The following SLC1A3 variants were observed in gnomAD, a reference collection of about 807,000 sequenced individuals.
The protein encoded by SLC1A3 is solute carrier family 1 member 3, also known as excitatory amino acid transporter 1.
SLC1A3 carries 21 observed loss-of-function variants against 48.1 expected under a neutral mutation model. That is an observed-to-expected ratio of 0.44 (90% CI 0.31 to 0.63). The LOEUF (loss-of-function observed/expected upper bound fraction) is 0.63, where lower values mean the gene tolerates loss of function less well. Among genes scored for constraint, SLC1A3 ranks in the 20% least tolerant of loss-of-function variants. The pLI is 0.08. For missense variants in SLC1A3, 546 were observed against 689.0 expected (o/e 0.79, Z 2.32); for synonymous variants, 239 against 251.4 (o/e 0.95, Z 0.47).
chr5:36,634,287 TATAA>T (rs60704367), intron 3 of SLC1A3, among the ~76,000 whole-genome samples: 1,544 of 149,978 alleles, frequency 0.01, 18 homozygotes, highest in Non-Finnish European at 0.015. Context: ...AAAAAAGAAA[TATAA>T]ATAAATAAAT....
chr5:36,676,948 G>A lies in SLC1A3; in HGVS notation c.624G>A (p.Thr208=), dbSNP rs553806020. 13 of 1,613,850 alleles carry A rather than the reference G, an allele frequency of 8.1e-6. No individual in the cohort carries two copies. Among genetic ancestry groups the A allele is most frequent in the East Asian group, 4.5e-5 (2 of 44,892 alleles). The change falls in exon 6 of 10, where the codon ACG becomes ACA. Residue 208 remains threonine, a synonymous_variant. Coordinates refer to ENST00000265113, the MANE Select transcript of SLC1A3 (RefSeq NM_004172.5). ...AAGTGCCCATCCAGGCCAACGAAACGCTTGTGGGTGCTGTGATAAACAATG... is the reference window on the plus strand; with the variant it reads ...AAGTGCCCATCCAGGCCAACGAAACACTTGTGGGTGCTGTGATAAACAATG... ...SFKVPIQANE[T]LVGAVINNVS... is the part of the protein sequence containing the mutation.
intron 1 of SLC1A3, among the ~76,000 whole-genome samples, chr5:36,597,245 T>C (rs1738754192): frequency 9.5e-6 from 1 of 105,680 alleles, no homozygotes; most frequent in African/African-American, 3.8e-5. Context: ...TTTTTTTTTT[T>C]TTTTTTTTTT....
chr5:36,679,636 C>T lies in SLC1A3; in HGVS notation c.870C>T (p.Pro290=), dbSNP rs745475328. Residue 290 remains proline (P), a synonymous_variant, in exon 7 of 10, where the codon CCC becomes CCT. Coordinates refer to ENST00000265113, the MANE Select transcript of SLC1A3 (RefSeq NM_004172.5). ...TGTTGCTTCTCCCCAGGTATGCCCC[C>T]GTGGGTATTCTCTTCCTGATTGCTG... is the stretch of plus-strand genomic sequence containing the variant. ...RLVAVIMWYA[P]VGILFLIAGK... 2.5e-5 allele frequency: 40 copies of T among 1,613,046 alleles called. No homozygotes were observed. The East Asian group carries it at 2.7e-4, about 11-fold the overall frequency.
chr5:36,652,921 C>T (rs141118536), intron 3 of SLC1A3, among the ~76,000 whole-genome samples: 5 of 152,212 alleles, frequency 3.3e-5, no homozygotes, highest in African/African-American at 9.6e-5. Context: ...CAATACTGAA[C>T]ATTCAAATGC....
intron 1 of SLC1A3, among the ~76,000 whole-genome samples, chr5:36,598,283 T>C (rs1738767016): frequency 6.6e-6 from 1 of 152,240 alleles, no homozygotes. Context: ...AGTGGGATTG[T>C]TGTGACAAGT....
rs75833509 is a variant in SLC1A3 at position 36,641,322 on chromosome 5, T to G, written c.319+11735T>G. Among the ~76,000 whole-genome samples the G allele has an allele frequency of 4.2e-4, 64 of 152,268 alleles. No homozygotes were observed. The East Asian group carries it at 0.012, about 28-fold the overall frequency. ...ACAGTGCCTCTAATATTGGTAATTC[T>G]TTTTAAGTTTATAACTTTTCCCGAG... On this transcript the variant is annotated intron_variant, in intron 3 of 9. Coordinates refer to ENST00000265113, the MANE Select transcript of SLC1A3 (RefSeq NM_004172.5).
chr5:36,602,351 C>T (rs986124175), upstream of SLC1A3, among the ~76,000 whole-genome samples: 5 of 152,080 alleles, frequency 3.3e-5, no homozygotes, highest in Non-Finnish European at 7.4e-5. Context: ...GTAGAATAGA[C>T]CTCAAAGTAT....
intron 8 of SLC1A3, among the ~76,000 whole-genome samples, chr5:36,681,207 C>T (rs1053699262): frequency 1.3e-5 from 2 of 152,192 alleles, no homozygotes; most frequent in Non-Finnish European, 2.9e-5. Context: ...CATAGACATG[C>T]ACACACTTCT....
In SLC1A3 at chr5:36,671,207, T is replaced by C. The variant is rs749338866; in HGVS notation, c.498T>C (p.Ala166=). The C allele has an allele frequency of 2.5e-6, 4 of 1,613,690 alleles. No individual in the cohort carries two copies. The highest frequency in any genetic ancestry group is 3.4e-6 in the Non-Finnish European group (4 of 1,179,678). The part of the protein sequence containing the change: ...HREGKIVRVT[A]ADAFLDLIRN... ...AAGGCAAAATTGTACGAGTGACAGC[T>C]GCAGATGCCTTCCTGGACTTGATCA... Residue 166 remains alanine (A), a synonymous_variant, in exon 4 of 10, where the codon GCT becomes GCC. Transcript: ENST00000265113.
chr5:36,680,434 G>C lies in SLC1A3; in HGVS notation c.1134G>C (p.Glu378Asp), dbSNP rs1409974399. 7 of 1,614,102 alleles carry C rather than the reference G, an allele frequency of 4.3e-6. No homozygotes were observed. The African/African-American group carries it at 5.3e-5, about 12-fold the overall frequency. ...TLPITFKCLE[E>D]NNGVDKRVTR... ...CCATCACCTTCAAGTGCCTGGAAGA[G>C]AACAATGGCGTGGACAAGCGCGTCA... Residue 378 changes from glutamate (E) to aspartate (D), a missense_variant, in exon 8 of 10, where the codon GAG (glutamate) becomes GAC (aspartate). By Grantham distance (45) the Glu-to-Asp change is conservative (BLOSUM62 2). Transcript: ENST00000265113.
chr5:36,663,436 T>C (rs1157619502), intron 3 of SLC1A3, among the ~76,000 whole-genome samples: 5 of 125,182 alleles, frequency 4.0e-5, no homozygotes, highest in Non-Finnish European at 8.0e-5. Context: ...AGAGACGGGG[T>C]CCCCATGTTG....
intron 4 of SLC1A3, among the ~76,000 whole-genome samples, chr5:36,673,805 A>G (rs1742092010): frequency 6.6e-6 from 1 of 152,186 alleles, no homozygotes. Flanking sequence ...CTGAGTGAAG[A>G]ACCCCATTGG....
Position 36,597,233 on chromosome 5 carries a change from CTTTTTTTTTTTT to C in SLC1A3, c.-96+575_-96+586del, listed in dbSNP as rs70976237. 7.3e-3 allele frequency among the ~76,000 whole-genome samples: 337 copies of C among 46,126 alleles called. 4 individuals are homozygous for C. The highest frequency in any genetic ancestry group is 0.029 in the African/African-American group (307 of 10,484). 30.3% of individuals were successfully genotyped at this position (46,126 alleles called of 152,430 possible). A position where few individuals can be genotyped will look rare whatever the true frequency, so the allele number is the denominator to read the frequency against. On this transcript the variant is annotated intron_variant, in intron 1 of 9. Transcript: ENST00000680318. ...CACACCGAAAACTTCTTCTTCCTTT[CTTTTTTTTTTTT>C]TTTTTTTTTTTTTTTTTTTGAGACG...
chr5:36,671,336 T>C (rs553465055), intron 4 of SLC1A3, 103 bp downstream of exon 4: 3 of 787,146 alleles, frequency 3.8e-6, no homozygotes, highest in East Asian at 5.3e-5. Flanking sequence ...TGAACCAGCC[T>C]TGCCAGGCTT....
intron 5 of SLC1A3, among the ~76,000 whole-genome samples, chr5:36,675,574 C>T (rs991055222): frequency 2.0e-5 from 3 of 152,190 alleles, no homozygotes; most frequent in African/African-American, 4.8e-5. Context: ...TCTGTGCATG[C>T]TGCAAACAGA....
At position 36,629,604 on chromosome 5, in the gene SLC1A3, T is replaced by A. The variant is rs1431396510; in HGVS notation, c.319+17T>A. On this transcript the variant is annotated intron_variant, in intron 3 of 9. Transcript: ENST00000265113. ...TTGTCACAGGTACCATAAGCAGTTG[T>A]TGGTTTGTTTGGTTTTTTTTAAGTG... 1.9e-6 allele frequency: 3 copies of A among 1,609,514 alleles called. No individual in the cohort carries two copies. The highest frequency in any genetic ancestry group is 2.6e-6 in the Non-Finnish European group (3 of 1,176,224).
At chr5:36,599,507 ACTT>A (rs1738781495) in intron 1 of SLC1A3, among the ~76,000 whole-genome samples, 1 of 30,638 alleles carries the variant, frequency 3.3e-5, no homozygotes, top group Non-Finnish European at 6.0e-5. Context: ...CTACGGTTGA[ACTT>A]TTTTTTTTTT....
At chr5:36,674,828 C>T (rs202219142) in intron 5 of SLC1A3, among the ~76,000 whole-genome samples, 4 of 152,226 alleles carry the variant, frequency 2.6e-5, no homozygotes, top group East Asian at 1.9e-4. Context: ...ATATTCAGGG[C>T]GATGAGACAC....
At chr5:36,658,372 A>C (rs1167777375) in intron 3 of SLC1A3, among the ~76,000 whole-genome samples, 2 of 152,108 alleles carry the variant, frequency 1.3e-5, no homozygotes, top group Admixed American at 1.3e-4. Flanking sequence ...TTTGGGCCAG[A>C]GCGTGAGGAC....
Sources: allele counts gnomAD v4.1 joint callset (sites outside exome capture counted in the v4.1 genomes callset), GRCh38; gene constraint gnomAD v4.1.1; transcripts MANE v1.5; gene names NCBI Gene and HGNC (gene_info 2026-07-23, HGNC 2026-07-21).